The following C12orf56 variants were observed in gnomAD, a reference collection of about 807,000 sequenced individuals.
The protein encoded by C12orf56 is chromosome 12 open reading frame 56, also known as uncharacterized protein C12orf56.
C12orf56 carries 71 observed loss-of-function variants against 69.9 expected under a neutral mutation model. That is an observed-to-expected ratio of 1.02 (90% confidence interval 0.84 to 1.24). The LOEUF (loss-of-function observed/expected upper bound fraction) is 1.24, where lower values mean the gene tolerates loss of function less well. Ranked by LOEUF, C12orf56 falls within the 50% of genes most tolerant of loss-of-function variation. C12orf56 has a pLI of 0.00. For missense variants in C12orf56, 732 were observed against 738.5 expected (o/e 0.99, Z 0.10); for synonymous variants, 276 against 274.1 (o/e 1.01, Z -0.07).
Position 64,390,604 on chromosome 12 carries a change from G to A in C12orf56, c.-39C>T, listed in dbSNP as rs979596180. On this transcript the variant is annotated 5_prime_UTR_variant, in exon 1 of 13. Transcript: ENST00000543942. ...AGCGTGGCGGAGTGCTGGGACTCGAGGCCCTCAGCTCGCCCTCTCCCCGCC... is the reference window on the plus strand; with the variant it reads ...AGCGTGGCGGAGTGCTGGGACTCGAAGCCCTCAGCTCGCCCTCTCCCCGCC... 2 of 1,461,738 alleles carry A rather than the reference G, an allele frequency of 1.4e-6. No homozygotes were observed. Among genetic ancestry groups the A allele is most frequent in the Non-Finnish European group, 1.8e-6 (2 of 1,115,630 alleles). The allele number at this position is 1,461,738 out of a possible 1,614,324, so 90.5% of individuals were successfully genotyped here.
At chr12:64,286,106 T>G (rs771051394) in intron 6 of C12orf56, 46 bp from the exon 7 acceptor site, 5 of 1,242,752 alleles carry the variant, frequency 4.0e-6, no homozygotes, top group Non-Finnish European at 4.5e-6. Context: ...AGGTATCTGT[T>G]GTTAAAATTC....
intron 6 of C12orf56, among the ~76,000 whole-genome samples, chr12:64,287,233 G>A (rs1389609156): frequency 3.0e-5 from 3 of 99,772 alleles, no homozygotes; most frequent in South Asian, 8.1e-4. Flanking sequence ...AAGAGTGAGT[G>A]AGACTCCATC....
intron 3 of C12orf56, among the ~76,000 whole-genome samples, chr12:64,327,478 T>G (rs1351990989): frequency 6.6e-6 from 1 of 152,160 alleles, no homozygotes; most frequent in African/African-American, 2.4e-5. Context: ...AAAATAAAAT[T>G]TTTAAAAAAG....
At chr12:64,378,916 T>C (rs1418312529) in intron 1 of C12orf56, among the ~76,000 whole-genome samples, 1 of 151,830 alleles carries the variant, frequency 6.6e-6, no homozygotes, top group Non-Finnish European at 1.5e-5. Flanking sequence ...CCGGGTGTGG[T>C]GGTGCGTGCC....
intron 6 of C12orf56, among the ~76,000 whole-genome samples, chr12:64,303,125 T>C (rs763295208): frequency 1.3e-5 from 2 of 151,754 alleles, no homozygotes; most frequent in African/African-American, 2.4e-5. Context: ...ACACAAAAAA[T>C]TAGCTGGGCG....
intron 3 of C12orf56, among the ~76,000 whole-genome samples, chr12:64,324,027 C>G (rs543889112): frequency 1.2e-4 from 19 of 152,168 alleles, no homozygotes; most frequent in Non-Finnish European, 2.2e-4. Context: ...CAAGGCAGAG[C>G]CCTCCCCGCA....
chr12:64,345,918 G>C lies in C12orf56; in HGVS notation c.415+6976C>G, dbSNP rs1038924082. Among the ~76,000 whole-genome samples, 4 of 152,238 alleles carry C rather than the reference G, an allele frequency of 2.6e-5. No homozygotes were observed. The South Asian group carries it at 8.3e-4, about 32-fold the overall frequency. ...ATTTTGCACTCTCTAAACAGTTTAT[G>C]CCAAGGACTATCAGTGCTCTCCATA... On this transcript the variant is annotated intron_variant, in intron 2 of 12. Transcript: ENST00000543942.
intron 2 of C12orf56, among the ~76,000 whole-genome samples, chr12:64,341,519 G>A (rs1171269754): frequency 1.3e-5 from 2 of 152,220 alleles, no homozygotes; most frequent in African/African-American, 2.4e-5. Flanking sequence ...GGTAAGACCA[G>A]TGAATTCCAT....
chr12:64,333,987 T>A (rs1439600294), intron 2 of C12orf56, among the ~76,000 whole-genome samples: 1 of 152,056 alleles, frequency 6.6e-6, no homozygotes, highest in Non-Finnish European at 1.5e-5. Flanking sequence ...CTGAGTGTAG[T>A]GTCATCTGCT....
At chr12:64,272,315 G>A (rs147481016) in intron 11 of C12orf56, among the ~76,000 whole-genome samples, 60 of 152,176 alleles carry the variant, frequency 3.9e-4, no homozygotes, top group African/African-American at 1.4e-3. Context: ...GACCAGCGTG[G>A]CTAACATGGT....
At chr12:64,331,095 C>A in intron 2 of C12orf56, 63 bp from the exon 3 acceptor site, 1 of 1,340,012 alleles carries the variant, frequency 7.5e-7, no homozygotes, top group Non-Finnish European at 1.0e-6. Flanking sequence ...ATGAAGAAGA[C>A]CTAGTCTCAT....
chr12:64,390,731 G>T lies in C12orf56; in HGVS notation c.-166C>A. The T allele has an allele frequency of 9.6e-7, 1 of 1,036,840 alleles. No homozygotes were observed. The highest frequency in any genetic ancestry group is 1.3e-6 in the Non-Finnish European group (1 of 771,230). The allele number at this position is 1,036,840 out of a possible 1,614,324, so 64.2% of individuals were successfully genotyped here. On this transcript the variant is annotated 5_prime_UTR_variant, in exon 1 of 13. Coordinates refer to ENST00000543942, the MANE Select transcript of C12orf56 (RefSeq NM_001170633.2). ...AACTGCAGGAATCGACGCTAGGTCG[G>T]CTTCCCTGGAGCGCCCTCCCCAGCC...
At chr12:64,287,179 G>C (rs1205693345) in intron 6 of C12orf56, among the ~76,000 whole-genome samples, 6 of 151,262 alleles carry the variant, frequency 4.0e-5, no homozygotes, top group Non-Finnish European at 8.8e-5. Flanking sequence ...GGGAGGTGGA[G>C]GTTGCAGTGA....
intron 2 of C12orf56, among the ~76,000 whole-genome samples, chr12:64,340,867 C>G (rs1445101180): frequency 6.6e-6 from 1 of 152,156 alleles, no homozygotes; most frequent in Admixed American, 6.6e-5. Flanking sequence ...TGACCCAAAC[C>G]TTCATTCATG....
chr12:64,378,675 T>C (rs1037860871), intron 1 of C12orf56, among the ~76,000 whole-genome samples: 1 of 152,170 alleles, frequency 6.6e-6, no homozygotes, highest in Admixed American at 6.5e-5. Context: ...CCTCAAATGA[T>C]CTGCCCACCT....
At position 64,308,940 on chromosome 12, in the gene C12orf56, G is replaced by GAAGAAAGAAAGAAAGAAAGAAAGA. The variant is rs1555188252; in HGVS notation, c.968+3715_968+3738dup. ...AGAAAGAAAGAAAGAAAGAAAGAAA[G>GAAGAAAGAAAGAAAGAAAGAAAGA]AAGAAAGAAAGAAAGAAAGAAAGAA... is the stretch of plus-strand genomic sequence containing the variant. On this transcript the variant is annotated intron_variant, in intron 5 of 12. Coordinates refer to ENST00000543942, the MANE Select transcript of C12orf56 (RefSeq NM_001170633.2). Among the ~76,000 whole-genome samples, 161 of 80,852 alleles carry GAAGAAAGAAAGAAAGAAAGAAAGA rather than the reference G, an allele frequency of 2.0e-3. 4 individuals carry two copies. The highest frequency in any genetic ancestry group is 6.2e-3 in the Middle Eastern group (1 of 162). The allele number at this position is 80,852 out of a possible 152,430, so 53.0% of individuals were successfully genotyped here.
chr12:64,358,273 C>A lies in C12orf56; in HGVS notation c.253-5217G>T, dbSNP rs188565705. Among the ~76,000 whole-genome samples, 763 of 151,962 alleles carry A rather than the reference C, an allele frequency of 5.0e-3. 4 individuals carry two copies. The highest frequency in any genetic ancestry group is 0.018 in the African/African-American group (738 of 41,438). On this transcript the variant is annotated intron_variant, in intron 1 of 12. Coordinates refer to ENST00000543942, the MANE Select transcript of C12orf56 (RefSeq NM_001170633.2). ...AGGAGTTCGAGACCAGCCTGGCCAA[C>A]ATGGTGTAACTCCGTCTATACTAAA...
At chr12:64,368,782 TTTC>T (rs1431584163) in intron 1 of C12orf56, among the ~76,000 whole-genome samples, 1 of 152,168 alleles carries the variant, frequency 6.6e-6, no homozygotes, top group African/African-American at 2.4e-5. Flanking sequence ...GGAAATCTGA[TTTC>T]TAGTGTGGCC....
intron 3 of C12orf56, among the ~76,000 whole-genome samples, chr12:64,328,812 T>A (rs2136860890): frequency 6.8e-6 from 1 of 147,704 alleles, no homozygotes; most frequent in African/African-American, 2.5e-5. Flanking sequence ...ACGACTGTAA[T>A]CCCAACACTG....
Sources: gnomAD v4.1 joint callset for allele counts (sites outside exome capture counted in the v4.1 genomes callset) on GRCh38, gnomAD v4.1.1 for gene constraint, MANE v1.5 for transcripts, NCBI Gene and HGNC (gene_info 2026-07-23, HGNC 2026-07-21) for gene names.